Variants in ATP1B3 observed in about 807,000 individuals in gnomAD.
ATP1B3 encodes sodium/potassium-transporting ATPase subunit beta-3.
Under a neutral mutation model 30.2 loss-of-function variants are expected in ATP1B3, and 10 were observed. The observed-to-expected ratio is 0.33, with a 90% confidence interval of 0.20 to 0.56. The LOEUF (loss-of-function observed/expected upper bound fraction) is 0.56, where lower values mean the gene tolerates loss of function less well. ATP1B3 is among the 20% of genes least tolerant of loss of function. The pLI is 0.90. For synonymous variants in ATP1B3, 113 were observed against 117.0 expected, an observed-to-expected ratio of 0.97 and a Z score of 0.22; for missense variants, 238 against 336.7, an observed-to-expected ratio of 0.71 and a Z score of 2.29.
At chr3:141,920,659 A>C (rs1185696765) in intron 5 of ATP1B3, among the ~76,000 whole-genome samples, 2 of 152,268 alleles carry the variant, frequency 1.3e-5, no homozygotes, top group Non-Finnish European at 2.9e-5. Flanking sequence ...TAGGTTCAAC[A>C]AAAGCAATTA....
Position 141,896,660 on chromosome 3 carries a change from G to A in ATP1B3, c.110-6960G>A, listed in dbSNP as rs562561716. Among the ~76,000 whole-genome samples, 8 of 152,034 alleles carry A rather than the reference G, an allele frequency of 5.3e-5. No individual in the cohort carries two copies. The South Asian group carries it at 1.7e-3, about 32-fold the overall frequency. On this transcript the variant is annotated intron_variant, in intron 1 of 6. Coordinates refer to ENST00000286371, the MANE Select transcript of ATP1B3 (RefSeq NM_001679.4). ...CTTTTTCATTTTCATAACTGTCTGG[G>A]TTCTTCTTCAGTTTTGATTCTTCTT...
At chr3:141,886,312 C>T (rs1377328742) in intron 1 of ATP1B3, among the ~76,000 whole-genome samples, 1 of 152,154 alleles carries the variant, frequency 6.6e-6, no homozygotes, top group South Asian at 2.1e-4. Flanking sequence ...CCAATCTCTT[C>T]GTTCTGTGCA....
At chr3:141,900,040 ATT>A in intron 1 of ATP1B3, among the ~76,000 whole-genome samples, 1 of 150,388 alleles carries the variant, frequency 6.6e-6, no homozygotes, top group Non-Finnish European at 1.5e-5. Context: ...CAAAAAAAAA[ATT>A]TTTTTTTTGT....
intron 2 of ATP1B3, among the ~76,000 whole-genome samples, chr3:141,906,423 G>A (rs950114502): frequency 2.6e-5 from 4 of 152,150 alleles, no homozygotes; most frequent in African/African-American, 7.2e-5. Flanking sequence ...CAAGTGATCC[G>A]CCAGCCTCGG....
chr3:141,907,556 G>A (rs1003484309), intron 3 of ATP1B3, among the ~76,000 whole-genome samples: 3 of 151,908 alleles, frequency 2.0e-5, no homozygotes, highest in African/African-American at 7.3e-5. Flanking sequence ...CAGAATAATC[G>A]CTTGAGCCTG....
intron 3 of ATP1B3, among the ~76,000 whole-genome samples, chr3:141,909,642 G>A (rs922370682): frequency 1.3e-5 from 2 of 152,236 alleles, no homozygotes; most frequent in Non-Finnish European, 2.9e-5. Flanking sequence ...GGAAGTGAGA[G>A]GGGCTGAATG....
intron 6 of ATP1B3, among the ~76,000 whole-genome samples, chr3:141,922,472 G>GC (rs1300827929): frequency 6.6e-6 from 1 of 151,770 alleles, no homozygotes; most frequent in African/African-American, 2.4e-5. Context: ...GGCCAACTTG[G>GC]CGAAACCCCC....
chr3:141,893,312 T>C (rs1933994371), intron 1 of ATP1B3, among the ~76,000 whole-genome samples: 1 of 152,174 alleles, frequency 6.6e-6, no homozygotes, highest in African/African-American at 2.4e-5. Context: ...CCCAGCTCTC[T>C]TTATTCTTGA....
intron 6 of ATP1B3, among the ~76,000 whole-genome samples, chr3:141,922,380 C>T (rs1393239023): frequency 1.3e-5 from 2 of 152,022 alleles, no homozygotes; most frequent in Admixed American, 6.6e-5. Flanking sequence ...AGGCCGGGTG[C>T]GGTGGCTTAC....
At chr3:141,884,233 T>A (rs1472844972) in intron 1 of ATP1B3, among the ~76,000 whole-genome samples, 1 of 152,182 alleles carries the variant, frequency 6.6e-6, no homozygotes. Context: ...CTCTTATTTG[T>A]GACTTCTTAG....
At chr3:141,909,112 C>T (rs1425929801) in intron 3 of ATP1B3, among the ~76,000 whole-genome samples, 1 of 152,194 alleles carries the variant, frequency 6.6e-6, no homozygotes. Flanking sequence ...CCAAAAGCTG[C>T]TTCTGATCCC....
chr3:141,922,427 C>T (rs758654498), intron 6 of ATP1B3, among the ~76,000 whole-genome samples: 11 of 151,470 alleles, frequency 7.3e-5, no homozygotes, highest in Non-Finnish European at 1.5e-4. Context: ...CCAAGGCGGG[C>T]GCATTACCTG....
At chr3:141,890,520 C>T (rs1003269080) in intron 1 of ATP1B3, among the ~76,000 whole-genome samples, 6 of 151,890 alleles carry the variant, frequency 4.0e-5, no homozygotes, top group Non-Finnish European at 8.8e-5. Flanking sequence ...CCAGGCTGGT[C>T]TCGAACTCTT....
rs775607897 is a variant in ATP1B3 at position 141,876,862 on chromosome 3, T to C, written c.61T>C (p.Tyr21His). 8 of 1,583,396 alleles carry C rather than the reference T, an allele frequency of 5.1e-6. No individual in the cohort carries two copies. In the South Asian group the frequency reaches 6.7e-5, roughly 13 times the overall value. The part of the protein sequence containing the change: ...QSLAEWKLFI[Y>H]NPTTGEFLGR... ...CCTGGCCGAGTGGAAGCTCTTCATC[T>C]ACAACCCGACCACCGGAGAATTCCT... The change falls in exon 1 of 7, where the codon TAC (tyrosine) becomes CAC (histidine). Residue 21 changes from tyrosine to histidine, a missense_variant. Tyr to His is a moderately conservative substitution (Grantham distance 83, BLOSUM62 2). Transcript: ENST00000286371.
At chr3:141,912,989 C>T (rs1033710319) in intron 3 of ATP1B3, among the ~76,000 whole-genome samples, 3 of 152,182 alleles carry the variant, frequency 2.0e-5, no homozygotes, top group Non-Finnish European at 2.9e-5. Flanking sequence ...AGTTAATTTC[C>T]TAAGTATGTT....
At chr3:141,895,486 C>T (rs753034219) in intron 1 of ATP1B3, among the ~76,000 whole-genome samples, 1 of 152,044 alleles carries the variant, frequency 6.6e-6, no homozygotes, top group African/African-American at 2.4e-5. Context: ...CACTGCGTCC[C>T]GCCTCTTTTT....
intron 1 of ATP1B3, among the ~76,000 whole-genome samples, chr3:141,883,407 A>G (rs1257044217): frequency 6.6e-6 from 1 of 152,134 alleles, no homozygotes; most frequent in Non-Finnish European, 1.5e-5. Context: ...AGTTGCAACT[A>G]TTCGGGAGGC....
At chr3:141,923,530 A>T (rs1164423854) in intron 6 of ATP1B3, among the ~76,000 whole-genome samples, 16 of 152,346 alleles carry the variant, frequency 1.1e-4, no homozygotes, top group Admixed American at 2.6e-4. Flanking sequence ...TTTCTTTATA[A>T]ATTACCCAGT....
At chr3:141,892,818 A>G (rs961993488) in intron 1 of ATP1B3, among the ~76,000 whole-genome samples, 49 of 152,266 alleles carry the variant, frequency 3.2e-4, no homozygotes, top group Admixed American at 2.6e-3. Context: ...GTAATGTTCT[A>G]TATCTTTAAT....
Sources: gnomAD v4.1 joint callset for allele counts (sites outside exome capture counted in the v4.1 genomes callset) on GRCh38, gnomAD v4.1.1 for gene constraint, MANE v1.5 for transcripts, NCBI Gene and HGNC (gene_info 2026-07-23, HGNC 2026-07-21) for gene names.